LATS2: variants seen among roughly 807,000 people sequenced by gnomAD.
The protein encoded by LATS2 is large tumor suppressor kinase 2.
In LATS2, 24 loss-of-function variants were observed where a neutral mutation model predicts 76.0. The observed-to-expected ratio is 0.32, with a 90% CI of 0.23 to 0.44. The LOEUF (loss-of-function observed/expected upper bound fraction) is 0.44, where lower values mean the gene tolerates loss of function less well. Among genes scored for constraint, LATS2 ranks in the 20% least tolerant of loss-of-function variants. LATS2 has a pLI of 1.00. For missense variants in LATS2, 1,286 were observed against 1,481.2 expected (o/e 0.87, Z 2.16); for synonymous variants, 692 against 635.4 (o/e 1.09, Z -1.34).
rs1230776553 is a variant in LATS2 at position 20,981,597 on chromosome 13, A to C, written c.2534T>G (p.Val845Gly). 1.2e-6 allele frequency: 2 copies of C among 1,614,088 alleles called. No individual in the cohort carries two copies. The highest frequency in any genetic ancestry group is 2.7e-5 in the African/African-American group (2 of 74,944). ...CCTGTCCCCACACCGACAGTTAGACACATCATCCCAGAGGTCGCTGGGCTC... is the reference window on the plus strand; with the variant it reads ...CCTGTCCCCACACCGACAGTTAGACCCATCATCCCAGAGGTCGCTGGGCTC... ...SMEPSDLWDD[V>G]SNCRCGDRLK... Residue 845 changes from valine (V) to glycine (G), a missense_variant, in exon 6 of 8, where the codon GTG becomes GGG. Physicochemically the swap from Val to Gly is moderately radical, Grantham distance 109. Around this residue, in one of 5 missense-constraint regions of LATS2, gnomAD observed 247 missense variants for 385.4 expected, o/e 0.64. Coordinates refer to ENST00000382592, the MANE Select transcript of LATS2 (RefSeq NM_014572.3).
At chr13:21,010,981 G>A (rs1595233026) in intron 2 of LATS2, among the ~76,000 whole-genome samples, 1 of 152,342 alleles carries the variant, frequency 6.6e-6, no homozygotes, top group Non-Finnish European at 1.5e-5. Context: ...AGTTTACATT[G>A]AAGGCTGCAG....
chr13:21,030,520 C>G (rs1358582182), intron 2 of LATS2, among the ~76,000 whole-genome samples: 3 of 137,324 alleles, frequency 2.2e-5, no homozygotes, highest in African/African-American at 8.3e-5. Flanking sequence ...ACCTGGGAAG[C>G]GGAGCTTGCA....
chr13:21,051,066 T>C (rs757395941), intron 1 of LATS2, among the ~76,000 whole-genome samples: 7 of 152,226 alleles, frequency 4.6e-5, no homozygotes, highest in African/African-American at 7.2e-5. Flanking sequence ...CTCTAGAAGA[T>C]GTGTGACGCA....
intron 4 of LATS2, among the ~76,000 whole-genome samples, chr13:20,986,213 G>GA (rs1261076333): frequency 6.6e-6 from 1 of 151,638 alleles, no homozygotes; most frequent in Non-Finnish European, 1.5e-5. Flanking sequence ...TATCAAAAAG[G>GA]AAAAAAAAGA....
At chr13:21,055,768 A>G (rs1873428453) in intron 1 of LATS2, among the ~76,000 whole-genome samples, 1 of 152,202 alleles carries the variant, frequency 6.6e-6, no homozygotes, top group African/African-American at 2.4e-5. Context: ...GATTTCTTGA[A>G]CCTAAAATTC....
intron 4 of LATS2, 118 bp downstream of exon 4, chr13:20,987,763 T>C (rs1403988054): frequency 5.1e-6 from 6 of 1,187,170 alleles, no homozygotes; most frequent in Non-Finnish European, 5.9e-6. Context: ...CTGTCGCCCA[T>C]TAGCCGTTTT....
chr13:21,029,044 T>C (rs903295195), intron 2 of LATS2, among the ~76,000 whole-genome samples: 1 of 152,240 alleles, frequency 6.6e-6, no homozygotes, highest in African/African-American at 2.4e-5. Flanking sequence ...ATGCAAATTG[T>C]TATACTTCTT....
chr13:21,049,717 AG>A (rs1873195506), intron 1 of LATS2, among the ~76,000 whole-genome samples: 1 of 152,188 alleles, frequency 6.6e-6, no homozygotes, highest in Admixed American at 6.5e-5. Context: ...GCCAGGATGC[AG>A]GGATGTCCTC....
chr13:21,033,300 C>T (rs1039187503), intron 2 of LATS2, among the ~76,000 whole-genome samples: 2 of 151,960 alleles, frequency 1.3e-5, no homozygotes, highest in Non-Finnish European at 2.9e-5. Flanking sequence ...AGAGAACACA[C>T]GCTCCTGGTG....
intron 1 of LATS2, among the ~76,000 whole-genome samples, chr13:21,049,306 T>C (rs1873180770): frequency 6.6e-6 from 1 of 152,102 alleles, no homozygotes. Flanking sequence ...TGACACGGCC[T>C]GAGTGGAAGG....
chr13:20,983,956 A>G, intron 4 of LATS2, 150 bp from the exon 5 acceptor site: 2 of 646,572 alleles, frequency 3.1e-6, no homozygotes, highest in Non-Finnish European at 5.3e-6. Context: ...TATACTACAG[A>G]GTCTCGCTCT....
Position 20,988,361 on chromosome 13 carries a change from GGGGGCC to G in LATS2, c.1413_1418del (p.Pro479_Ala480del). On this transcript the variant is annotated inframe_deletion, in exon 4 of 8. Coordinates refer to ENST00000382592, the MANE Select transcript of LATS2 (RefSeq NM_014572.3). ...CCGCAGCCGGGGCGGGGGCGGGGGCGGGGGCCGGGGCAGGCGCGGGCACCCAGGCGG... is the reference window on the plus strand; with the variant it reads ...CCGCAGCCGGGGCGGGGGCGGGGGCGGGGGCAGGCGCGGGCACCCAGGCGG... 2 of 1,368,842 alleles carry G rather than the reference GGGGGCC, an allele frequency of 1.5e-6. No individual in the cohort carries two copies. Among genetic ancestry groups the G allele is most frequent in the East Asian group, 3.0e-5 (1 of 33,594 alleles). The allele number at this position is 1,368,842 out of a possible 1,614,324, so 84.8% of individuals were successfully genotyped here. A position where few individuals can be genotyped will look rare whatever the true frequency, so the allele number is the denominator to read the frequency against.
chr13:21,040,368 C>T (rs930705669), intron 2 of LATS2, among the ~76,000 whole-genome samples: 4 of 146,650 alleles, frequency 2.7e-5, no homozygotes, highest in African/African-American at 1.0e-4. Context: ...CGGCGACAGA[C>T]CTTGTCTCAA....
chr13:20,999,461 C>G (rs754586728), intron 2 of LATS2, among the ~76,000 whole-genome samples: 4 of 152,102 alleles, frequency 2.6e-5, no homozygotes, highest in Non-Finnish European at 5.9e-5. Flanking sequence ...GCTGCAGAAG[C>G]GAGCACTTTT....
At chr13:21,036,109 T>C (rs1595249548) in intron 2 of LATS2, among the ~76,000 whole-genome samples, 1 of 152,210 alleles carries the variant, frequency 6.6e-6, no homozygotes, top group East Asian at 1.9e-4. Context: ...TTGGCCAGAG[T>C]GGTCTCGAAC....
At chr13:20,980,662 G>C (rs1281006515) in intron 6 of LATS2, among the ~76,000 whole-genome samples, 3 of 152,124 alleles carry the variant, frequency 2.0e-5, no homozygotes, top group Non-Finnish European at 2.9e-5. Context: ...ACCTTCACTG[G>C]GCACCAAGGT....
intron 4 of LATS2, among the ~76,000 whole-genome samples, chr13:20,984,261 G>A (rs1262327374): frequency 1.3e-5 from 2 of 152,124 alleles, no homozygotes; most frequent in Admixed American, 1.3e-4. Context: ...TCCATATATA[G>A]ACATGAATAT....
At chr13:21,059,541 G>C (rs915926236) in intron 1 of LATS2, among the ~76,000 whole-genome samples, 2 of 152,198 alleles carry the variant, frequency 1.3e-5, no homozygotes, top group Admixed American at 6.5e-5. Context: ...GTTGCAGTGA[G>C]CCGAGATCGC....
At chr13:20,999,571 C>CT (rs902941763) in intron 2 of LATS2, among the ~76,000 whole-genome samples, 3 of 152,098 alleles carry the variant, frequency 2.0e-5, no homozygotes, top group African/African-American at 7.2e-5. Context: ...CCGGCTTAAG[C>CT]AATCCTCCCA....
Sources: gnomAD v4.1 joint callset for allele counts (sites outside exome capture counted in the v4.1 genomes callset) on GRCh38, gnomAD v4.1.1 for gene constraint, gnomAD v4.1.1 regional missense constraint, MANE v1.5 for transcripts, NCBI Gene and HGNC (gene_info 2026-07-23, HGNC 2026-07-21) for gene names.